CFAP97D2: variants seen among roughly 807,000 people sequenced by gnomAD.
CFAP97D2 encodes the protein CFAP97 domain containing 2.
chr13:114,206,959 AGT>A (rs763935607), intron 3 of CFAP97D2, among the ~76,000 whole-genome samples: 6 of 152,156 alleles, frequency 3.9e-5, no homozygotes, highest in Non-Finnish European at 7.3e-5. Flanking sequence ...ATCAGGGAGG[AGT>A]TCTTGCCTTA....
At chr13:114,197,690 T>C (rs1320887004) in intron 2 of CFAP97D2, among the ~76,000 whole-genome samples, 1 of 144,960 alleles carries the variant, frequency 6.9e-6, no homozygotes, top group Non-Finnish European at 1.5e-5. Flanking sequence ...GTTTTGGGTT[T>C]GTTTGTTTTT....
At chr13:114,195,710 C>G (rs1171607207) in intron 1 of CFAP97D2, among the ~76,000 whole-genome samples, 3 of 152,072 alleles carry the variant, frequency 2.0e-5, no homozygotes, top group Non-Finnish European at 4.4e-5. Context: ...GGTGCTCATC[C>G]TGAAATACTG....
intron 3 of CFAP97D2, 59 bp downstream of exon 3, chr13:114,200,502 G>A (rs118088826): frequency 0.01 from 4,157 of 397,874 alleles, 209 homozygotes; most frequent in Admixed American, 0.094. Context: ...GTGCTGGGAA[G>A]GGGTTGGGGA....
intron 1 of CFAP97D2, among the ~76,000 whole-genome samples, chr13:114,180,223 G>T (rs559869673): frequency 1.3e-5 from 2 of 152,332 alleles, no homozygotes; most frequent in East Asian, 3.9e-4. Context: ...TTGGGTTTCT[G>T]TTTCTGGGAA....
intron 1 of CFAP97D2, among the ~76,000 whole-genome samples, chr13:114,191,170 G>A (rs921423278): frequency 6.6e-6 from 1 of 152,092 alleles, no homozygotes; most frequent in African/African-American, 2.4e-5. Flanking sequence ...CATGAGTATG[G>A]GAATGACTTT....
intron 1 of CFAP97D2, among the ~76,000 whole-genome samples, chr13:114,183,328 G>A (rs1458052067): frequency 6.6e-6 from 1 of 151,960 alleles, no homozygotes; most frequent in Non-Finnish European, 1.5e-5. Flanking sequence ...CACCATGCCT[G>A]GCTAATTTTT....
At chr13:114,182,323 C>T (rs1272385017) in intron 1 of CFAP97D2, among the ~76,000 whole-genome samples, 4 of 152,168 alleles carry the variant, frequency 2.6e-5, no homozygotes, top group South Asian at 2.1e-4. Flanking sequence ...GTCTCGCCTC[C>T]CGCCATAGGG....
intron 4 of CFAP97D2, among the ~76,000 whole-genome samples, chr13:114,221,853 C>T (rs2081023832): frequency 6.6e-6 from 1 of 152,188 alleles, no homozygotes; most frequent in Admixed American, 6.5e-5. Context: ...CAACTCCACT[C>T]CTAGGTCTAT....
intron 3 of CFAP97D2, among the ~76,000 whole-genome samples, chr13:114,210,196 T>G (rs2080960728): frequency 6.6e-6 from 1 of 152,242 alleles, no homozygotes; most frequent in African/African-American, 2.4e-5. Flanking sequence ...TCTTATATCC[T>G]GGCTTAAGAC....
At chr13:114,222,648 C>T (rs1404121343), downstream of CFAP97D2, 4 of 395,284 alleles carry the variant, frequency 1.0e-5, no homozygotes, top group Non-Finnish European at 1.8e-5. This position sits in a 1 kb window ranked among gnomAD's most constrained non-coding sequence, Gnocchi z 4.4. Flanking sequence ...GCCATGAGCT[C>T]CCCCAGGCTA....
intron 1 of CFAP97D2, among the ~76,000 whole-genome samples, chr13:114,191,311 C>A (rs2080868591): frequency 6.6e-6 from 1 of 152,118 alleles, no homozygotes; most frequent in Admixed American, 6.5e-5. Flanking sequence ...CTGTGAAAGA[C>A]AATGTCTGGA....
intron 3 of CFAP97D2, among the ~76,000 whole-genome samples, chr13:114,210,855 TACACAC>T (rs34230424): frequency 4.7e-4 from 68 of 144,970 alleles, no homozygotes; most frequent in Middle Eastern, 3.6e-3. Flanking sequence ...ATTTCATTGA[TACACAC>T]ACACACACAC....
chr13:114,213,313 AG>A (rs149673754), intron 4 of CFAP97D2, among the ~76,000 whole-genome samples: 8,851 of 149,354 alleles, frequency 0.059, 442 homozygotes, highest in African/African-American at 0.12. Context: ...CCCCTGGACA[AG>A]CTCAAGGACC....
At chr13:114,194,735 G>A (rs1468933611) in intron 1 of CFAP97D2, among the ~76,000 whole-genome samples, 5 of 23,626 alleles carry the variant, frequency 2.1e-4, no homozygotes, top group Admixed American at 4.0e-4. Context: ...CCTTCCCCCC[G>A]TACCTAATGT....
chr13:114,208,805 G>A (rs780633521), intron 3 of CFAP97D2, among the ~76,000 whole-genome samples: 51 of 152,120 alleles, frequency 3.4e-4, no homozygotes, highest in Admixed American at 6.5e-4. Context: ...TGGCTGGGAC[G>A]ACTTTGGGAA....
intron 4 of CFAP97D2, among the ~76,000 whole-genome samples, chr13:114,218,113 A>G (rs1208484673): frequency 6.6e-6 from 1 of 152,240 alleles, no homozygotes; most frequent in Non-Finnish European, 1.5e-5. Context: ...ACGTGATTGT[A>G]TATTTAGAAA....
At chr13:114,194,582 G>C (rs1005719462) in intron 1 of CFAP97D2, among the ~76,000 whole-genome samples, 6 of 152,014 alleles carry the variant, frequency 3.9e-5, no homozygotes, top group African/African-American at 1.2e-4. Flanking sequence ...ACTCTGTTGG[G>C]GGCACTCATT....
chr13:114,200,358 G>C (rs2080911873), exon 3 of CFAP97D2: 4 of 398,532 alleles, frequency 1.0e-5, no homozygotes, highest in African/African-American at 2.1e-5. Context: ...CATCGAGAGG[G>C]ACAACCGCCT....
chr13:114,204,335 C>T (rs150152951), intron 3 of CFAP97D2, among the ~76,000 whole-genome samples: 2 of 152,142 alleles, frequency 1.3e-5, no homozygotes, highest in Non-Finnish European at 2.9e-5. Context: ...AGGAGGGCTG[C>T]GTGTTCTGGA....
Sources: allele counts gnomAD v4.1 joint callset (sites outside exome capture counted in the v4.1 genomes callset), GRCh38; gene constraint gnomAD v4.1.1; non-coding constraint Gnocchi (gnomAD v3.1); transcripts MANE v1.5; gene names NCBI Gene and HGNC (gene_info 2026-07-23, HGNC 2026-07-21).